GCH1: variants seen among roughly 807,000 people sequenced by gnomAD.
GCH1 encodes GTP cyclohydrolase 1.
In GCH1, 5 loss-of-function variants were observed where a neutral mutation model predicts 25.9. The observed-to-expected ratio is 0.19, with a 90% CI of 0.10 to 0.41. The LOEUF (loss-of-function observed/expected upper bound fraction) is 0.41, where lower values mean the gene tolerates loss of function less well. Ranked by LOEUF, GCH1 falls within the 10% of genes least tolerant of loss-of-function variation. GCH1 has a pLI of 1.00. For missense variants in GCH1, 261 were observed against 336.5 expected (o/e 0.78, Z 1.75); for synonymous variants, 159 against 129.6 (o/e 1.23, Z -1.54).
intron 1 of GCH1, among the ~76,000 whole-genome samples, chr14:54,896,961 T>C: frequency 6.8e-6 from 1 of 147,840 alleles, no homozygotes; most frequent in Non-Finnish European, 1.5e-5. Context: ...AAAACACTTG[T>C]CCTTACTATA....
chr14:54,862,568 TTGTC>T (rs2039917041), intron 2 of GCH1, among the ~76,000 whole-genome samples: 1 of 149,916 alleles, frequency 6.7e-6, no homozygotes, highest in Non-Finnish European at 1.5e-5. Context: ...GTTTTTTTGT[TTGTC>T]TGTTTGGTTG....
intron 1 of GCH1, among the ~76,000 whole-genome samples, chr14:54,899,150 C>A (rs1416554683): frequency 6.6e-6 from 1 of 152,048 alleles, no homozygotes; most frequent in African/African-American, 2.4e-5. Flanking sequence ...TGATTATATT[C>A]AATTAATGGC....
chr14:54,851,842 A>G (rs1034794130), intron 3 of GCH1, among the ~76,000 whole-genome samples: 1 of 152,354 alleles, frequency 6.6e-6, no homozygotes, highest in African/African-American at 2.4e-5. Context: ...AGAACTAGAA[A>G]TACCATTTGA....
intron 1 of GCH1, among the ~76,000 whole-genome samples, chr14:54,887,848 C>A (rs79510376): frequency 0.044 from 6,689 of 152,170 alleles, 237 homozygotes; most frequent in African/African-American, 0.1. Flanking sequence ...ATTTTGACTA[C>A]TTTTATGTTT....
At chr14:54,845,296 G>GATGA (rs59490643) in intron 5 of GCH1, among the ~76,000 whole-genome samples, 15,705 of 151,624 alleles carry the variant, frequency 0.1, 1,014 homozygotes, top group Non-Finnish European at 0.13. Flanking sequence ...TGGCCGACAT[G>GATGA]ATGAAACCCC....
intron 3 of GCH1, among the ~76,000 whole-genome samples, chr14:54,854,418 T>C (rs1032790391): frequency 6.6e-6 from 1 of 152,062 alleles, no homozygotes; most frequent in Non-Finnish European, 1.5e-5. Flanking sequence ...TGCCGGGCAG[T>C]GAGCACACGC....
At chr14:54,897,470 G>C (rs946558800) in intron 1 of GCH1, among the ~76,000 whole-genome samples, 1 of 151,832 alleles carries the variant, frequency 6.6e-6, no homozygotes, top group African/African-American at 2.4e-5. Flanking sequence ...TGTATTTTTA[G>C]TAGAGAAGGG....
intron 3 of GCH1, among the ~76,000 whole-genome samples, chr14:54,850,941 G>A (rs180881499): frequency 4.6e-5 from 7 of 152,238 alleles, no homozygotes; most frequent in South Asian, 4.2e-4. Context: ...ATAAACATAC[G>A]TGTGCATGTG....
intron 3 of GCH1, among the ~76,000 whole-genome samples, chr14:54,852,714 G>A (rs911104112): frequency 2.0e-5 from 3 of 152,036 alleles, no homozygotes; most frequent in Admixed American, 6.5e-5. Flanking sequence ...AAGTCATTTC[G>A]CTTCAAGTTG....
chr14:54,875,053 C>G (rs571060247), intron 1 of GCH1, among the ~76,000 whole-genome samples: 1 of 152,128 alleles, frequency 6.6e-6, no homozygotes, highest in Non-Finnish European at 1.5e-5. Flanking sequence ...GGAGGCATCA[C>G]GCTACCTGAC....
At chr14:54,856,246 A>C (rs1287678254) in intron 3 of GCH1, among the ~76,000 whole-genome samples, 1 of 152,124 alleles carries the variant, frequency 6.6e-6, no homozygotes, top group Non-Finnish European at 1.5e-5. Context: ...CACAGCCATC[A>C]TGGCTCCTCT....
intron 5 of GCH1, 116 bp from the exon 6 acceptor site, chr14:54,844,259 C>A (rs900034380): frequency 7.6e-6 from 6 of 785,376 alleles, no homozygotes; most frequent in Non-Finnish European, 1.4e-5. Flanking sequence ...ATCGAAATAT[C>A]CCTTCTTACA....
intron 1 of GCH1, among the ~76,000 whole-genome samples, chr14:54,865,870 T>C (rs1177669045): frequency 6.6e-6 from 1 of 152,238 alleles, no homozygotes. Flanking sequence ...CTCTGACTTC[T>C]GAGGCCAGAT....
intron 1 of GCH1, among the ~76,000 whole-genome samples, chr14:54,871,788 G>A (rs1555360601): frequency 1.3e-5 from 2 of 149,288 alleles, no homozygotes; most frequent in Non-Finnish European, 3.0e-5. Context: ...AAGAAGAGAA[G>A]TTTAGAGAAA....
chr14:54,855,956 T>C (rs76301313), intron 3 of GCH1, among the ~76,000 whole-genome samples: 3,817 of 152,214 alleles, frequency 0.025, 156 homozygotes, highest in African/African-American at 0.087. Flanking sequence ...GGAATGAAAA[T>C]AGGTAAGAAA....
At chr14:54,883,704 A>G (rs1293599861) in intron 1 of GCH1, among the ~76,000 whole-genome samples, 1 of 151,966 alleles carries the variant, frequency 6.6e-6, no homozygotes, top group Non-Finnish European at 1.5e-5. Flanking sequence ...TAAAAAGAAA[A>G]GAGAGAAAAC....
rs553694853 is a variant in GCH1 at position 54,863,326 on chromosome 14, G to T, written c.453+2001C>A. Among the ~76,000 whole-genome samples, 33 of 150,932 alleles carry T rather than the reference G, an allele frequency of 2.2e-4. 1 individual carries two copies. In the South Asian group the frequency reaches 6.8e-3, roughly 31 times the overall value. ...AGTCCCAGCTACTCAGGAGGCTGAG[G>T]TGAGAGAATGGCGTGAACCCGGGAG... On this transcript the variant is annotated intron_variant, in intron 2 of 5. Transcript: ENST00000491895.
At chr14:54,852,441 T>C (rs1181121849) in intron 3 of GCH1, among the ~76,000 whole-genome samples, 1 of 152,176 alleles carries the variant, frequency 6.6e-6, no homozygotes, top group Non-Finnish European at 1.5e-5. Flanking sequence ...CAGGACACTA[T>C]CCCATCACAG....
At chr14:54,845,979 GC>G in intron 4 of GCH1, 127 bp from the exon 5 acceptor site, 2 of 704,728 alleles carry the variant, frequency 2.8e-6, no homozygotes, top group South Asian at 3.0e-5. Flanking sequence ...AGACACACCA[GC>G]TTTTACCAGA....
Sources: allele counts gnomAD v4.1 joint callset (sites outside exome capture counted in the v4.1 genomes callset), GRCh38; gene constraint gnomAD v4.1.1; transcripts MANE v1.5; gene names NCBI Gene and HGNC (gene_info 2026-07-23, HGNC 2026-07-21).